Variants in BAIAP2 observed in about 807,000 individuals in gnomAD.
The protein encoded by BAIAP2 is BAR/IMD domain-containing adapter protein 2.
Under a neutral mutation model 63.0 loss-of-function variants are expected in BAIAP2, and 18 were observed. The observed-to-expected ratio is 0.29, with a 90% CI of 0.20 to 0.42. The LOEUF (loss-of-function observed/expected upper bound fraction) is 0.42. Among genes scored for constraint, BAIAP2 ranks in the 10% least tolerant of loss-of-function variants. The pLI, the probability that BAIAP2 is intolerant of heterozygous loss-of-function variation, is 1.00. For synonymous variants in BAIAP2, 386 were observed against 307.6 expected, an observed-to-expected ratio of 1.25 and a Z score of -2.67; for missense variants, 610 against 734.3, an observed-to-expected ratio of 0.83 and a Z score of 1.96.
intron 4 of BAIAP2, 43 bp from the exon 5 acceptor site, chr17:81,085,611 T>G: frequency 9.9e-6 from 15 of 1,522,764 alleles, no homozygotes; most frequent in Non-Finnish European, 1.4e-5. Context: ...TCCGGGTCCA[T>G]GTGTTGGAGC....
In BAIAP2 at chr17:81,077,220, G is replaced by A. The variant is rs542394806; in HGVS notation, c.218-7612G>A. On this transcript the variant is annotated intron_variant, in intron 3 of 13. Transcript: ENST00000428708. ...CAGTCAGCTAGCTCAACTGGTGAGC[G>A]CATGATGCTGACGATGCCACAGTTG... 1.9e-4 allele frequency among the ~76,000 whole-genome samples: 29 copies of A among 152,284 alleles called. No individual in the cohort carries two copies. In the East Asian group the frequency reaches 2.1e-3, roughly 11 times the overall value.
Position 81,096,277 on chromosome 17 carries a change from C to T in BAIAP2, c.490-3651C>T, listed in dbSNP as rs924067813. Among the ~76,000 whole-genome samples, 5 of 152,312 alleles carry T rather than the reference C, an allele frequency of 3.3e-5. No homozygotes were observed. In the South Asian group the frequency reaches 6.2e-4, roughly 19 times the overall value. ...TGAGCTCTCTGCCCACCATGCTTTCCGGGCCGGCCACCGCTGGAAAAGTCC... is the reference window on the plus strand; with the variant it reads ...TGAGCTCTCTGCCCACCATGCTTTCTGGGCCGGCCACCGCTGGAAAAGTCC... On this transcript the variant is annotated intron_variant, in intron 6 of 13. Coordinates refer to ENST00000428708, the MANE Select transcript of BAIAP2 (RefSeq NM_001144888.2).
At chr17:81,112,141 C>A (rs1196926083) in intron 13 of BAIAP2, among the ~76,000 whole-genome samples, 2 of 152,214 alleles carry the variant, frequency 1.3e-5, no homozygotes, top group African/African-American at 4.8e-5. Flanking sequence ...GACGCTGTTT[C>A]TGGGAGGCCT....
In BAIAP2 at chr17:81,085,682, C is replaced by T. The variant is rs371193130; in HGVS notation, c.308C>T (p.Thr103Met). The T allele has an allele frequency of 3.1e-5, 50 of 1,613,810 alleles. No individual in the cohort carries two copies. The highest frequency in any genetic ancestry group is 1.3e-4 in the South Asian group (12 of 91,092). ...AAGTCTTTTCACAACGAGCTGCTTA[C>T]GCAGCTGGAGCAGAAGGTGGAGCTG... Reference protein sequence around the residue: ...MLKSFHNELLTQLEQKVELDS... With the variant: ...MLKSFHNELLMQLEQKVELDS... The change falls in exon 5 of 14, where the codon ACG becomes ATG. Residue 103 changes from threonine (T) to methionine (M), a missense_variant. By Grantham distance (81) the Thr-to-Met change is moderately conservative. Transcript: ENST00000428708.
chr17:81,088,318 CTGCTGGGGGT>C (rs1428882925), intron 6 of BAIAP2, among the ~76,000 whole-genome samples: 2 of 152,186 alleles, frequency 1.3e-5, no homozygotes, highest in Admixed American at 1.3e-4. Context: ...GCTCAGCTGC[CTGCTGGGGGT>C]CCAGGAGCTT....
At chr17:81,047,710 A>T (rs2048030533) in intron 1 of BAIAP2, among the ~76,000 whole-genome samples, 1 of 150,554 alleles carries the variant, frequency 6.6e-6, no homozygotes, top group Non-Finnish European at 1.5e-5. Context: ...ACGGGTCCAC[A>T]TGCGTCCAGC....
At chr17:81,054,093 T>G (rs55699977) in intron 2 of BAIAP2, among the ~76,000 whole-genome samples, 3 of 32,328 alleles carry the variant, frequency 9.3e-5, no homozygotes, top group Admixed American at 3.8e-4. Context: ...AACTGTGCCC[T>G]GGCCCCAAGG....
chr17:81,038,218 C>T (rs1480251127), intron 1 of BAIAP2, among the ~76,000 whole-genome samples: 2 of 152,274 alleles, frequency 1.3e-5, no homozygotes, highest in Non-Finnish European at 2.9e-5. Flanking sequence ...ATTAAGGCTA[C>T]TGAAGCTGCA....
intron 7 of BAIAP2, among the ~76,000 whole-genome samples, chr17:81,103,263 C>T (rs570179718): frequency 1.3e-5 from 2 of 152,258 alleles, no homozygotes; most frequent in African/African-American, 4.8e-5. Context: ...TGGGTTTGCT[C>T]TCATCCCTGG....
chr17:81,085,546 G>A, intron 4 of BAIAP2, 108 bp from the exon 5 acceptor site: 1 of 919,292 alleles, frequency 1.1e-6, no homozygotes, highest in Non-Finnish European at 1.8e-6. Flanking sequence ...CTCCTGCACA[G>A]CCGGGACACC....
chr17:81,044,807 G>A (rs1252198781), intron 1 of BAIAP2, among the ~76,000 whole-genome samples: 1 of 152,272 alleles, frequency 6.6e-6, no homozygotes, highest in Non-Finnish European at 1.5e-5. Context: ...GGGGACAGCT[G>A]ATTCTATTGG....
chr17:81,050,827 A>C (rs1347722971), intron 1 of BAIAP2, among the ~76,000 whole-genome samples: 2 of 150,834 alleles, frequency 1.3e-5, no homozygotes, highest in African/African-American at 2.5e-5. Flanking sequence ...ACACCAGAAC[A>C]CTAGAGTCGG....
chr17:81,071,727 G>A (rs932802882), intron 3 of BAIAP2, among the ~76,000 whole-genome samples: 2 of 152,244 alleles, frequency 1.3e-5, no homozygotes, highest in Admixed American at 6.5e-5. Context: ...GACTCAGCGC[G>A]GGGGTCGGAT....
At chr17:81,070,748 T>G (rs1261928093) in intron 3 of BAIAP2, among the ~76,000 whole-genome samples, 1 of 152,064 alleles carries the variant, frequency 6.6e-6, no homozygotes, top group African/African-American at 2.4e-5. Flanking sequence ...CCACCCCGGG[T>G]GGATGGCCGC....
chr17:81,084,510 G>A (rs1568135765), intron 3 of BAIAP2, among the ~76,000 whole-genome samples: 1 of 152,030 alleles, frequency 6.6e-6, no homozygotes, highest in Non-Finnish European at 1.5e-5. Context: ...ACGCGTGTTT[G>A]CGCTCACTGT....
chr17:81,062,630 C>G (rs1487049402), intron 3 of BAIAP2, among the ~76,000 whole-genome samples: 1 of 151,734 alleles, frequency 6.6e-6, no homozygotes, highest in African/African-American at 2.4e-5. Flanking sequence ...TTTCTGGGTC[C>G]TGTGTCTTTA....
At chr17:81,098,337 T>G (rs2057990692) in intron 6 of BAIAP2, 1 of 541,306 alleles carries the variant, frequency 1.8e-6, no homozygotes, top group Admixed American at 4.4e-5. Context: ...CCCTCTCCAG[T>G]TTCCTCCCGA....
chr17:81,045,358 G>A (rs1251861422), intron 1 of BAIAP2, among the ~76,000 whole-genome samples: 2 of 152,206 alleles, frequency 1.3e-5, no homozygotes, highest in Non-Finnish European at 2.9e-5. Flanking sequence ...CACAGGCGGA[G>A]GGCAGAAGCG....
rs567824985 is a variant in BAIAP2 at position 81,103,183 on chromosome 17, G to A, written c.643-319G>A. 1.9e-3 allele frequency among the ~76,000 whole-genome samples: 292 copies of A among 152,312 alleles called. 2 individuals are homozygous for A. The highest frequency in any genetic ancestry group is 6.7e-3 in the African/African-American group (277 of 41,584). ...GGCACTTTGGGGTTTGCCCACCGGAGTTTGACCTTGTGCGTCCCTGTCCGT... is the reference window on the plus strand; with the variant it reads ...GGCACTTTGGGGTTTGCCCACCGGAATTTGACCTTGTGCGTCCCTGTCCGT... On this transcript the variant is annotated intron_variant, in intron 7 of 13. Transcript: ENST00000428708.
Sources: allele counts gnomAD v4.1 joint callset (sites outside exome capture counted in the v4.1 genomes callset), GRCh38; gene constraint gnomAD v4.1.1; transcripts MANE v1.5; gene names NCBI Gene and HGNC (gene_info 2026-07-23, HGNC 2026-07-21).